Variants in PTPRD observed in about 807,000 individuals in gnomAD.
PTPRD encodes protein tyrosine phosphatase receptor type D.
Under a neutral mutation model 214.5 loss-of-function variants are expected in PTPRD, and 34 were observed. The ratio of observed to expected loss-of-function variants is 0.16; its 90% CI spans 0.12 to 0.21. PTPRD has a LOEUF of 0.21. PTPRD is among the 10% of genes least tolerant of loss of function. The probability of loss-of-function intolerance (pLI) is 1.00; values close to 1 mark genes in which losing one functional copy is unlikely to be tolerated. For missense variants in PTPRD, 2,545 were observed against 2,398.7 expected (o/e 1.06, Z -1.27); for synonymous variants, 1,128 against 845.7 (o/e 1.33, Z -5.79).
chr9:8,390,043 T>G (rs1025436756), intron 36 of PTPRD, among the ~76,000 whole-genome samples: 1 of 152,172 alleles, frequency 6.6e-6, no homozygotes. Flanking sequence ...CTGTAAAGTA[T>G]TGCTTCTCAT....
At chr9:9,201,935 G>A (rs1028025018) in intron 9 of PTPRD, among the ~76,000 whole-genome samples, 2 of 152,166 alleles carry the variant, frequency 1.3e-5, no homozygotes, top group Non-Finnish European at 2.9e-5. Flanking sequence ...GAAACATTTA[G>A]GAAATGAAAC....
chr9:10,239,973 C>A (rs1195820834), intron 3 of PTPRD, among the ~76,000 whole-genome samples: 1 of 151,796 alleles, frequency 6.6e-6, no homozygotes, highest in Non-Finnish European at 1.5e-5. Context: ...CACGATTGGC[C>A]ATTAAGAGAT....
chr9:9,361,664 C>A (rs189835828), intron 9 of PTPRD, among the ~76,000 whole-genome samples: 219 of 151,038 alleles, frequency 1.4e-3, no homozygotes, highest in African/African-American at 5.1e-3. Flanking sequence ...GAATTATTCT[C>A]CTCTAGCTAT....
chr9:9,880,243 A>G (rs2153735459), intron 5 of PTPRD, among the ~76,000 whole-genome samples: 1 of 152,214 alleles, frequency 6.6e-6, no homozygotes, highest in East Asian at 1.9e-4. Flanking sequence ...AAGTTTCCTG[A>G]GGCCTCCTCA....
At chr9:8,605,085 CTG>C (rs554730468) in intron 14 of PTPRD, among the ~76,000 whole-genome samples, 180 of 152,316 alleles carry the variant, frequency 1.2e-3, no homozygotes, top group African/African-American at 4.2e-3. Context: ...GCCTATCAAA[CTG>C]TGCAACTGCC....
intron 3 of PTPRD, among the ~76,000 whole-genome samples, chr9:10,108,801 G>A (rs1001498608): frequency 6.6e-6 from 1 of 151,688 alleles, no homozygotes; most frequent in Non-Finnish European, 1.5e-5. Flanking sequence ...AGGAAAGCCT[G>A]TCCTGTATAA....
At chr9:10,492,614 C>T (rs1477806732) in intron 2 of PTPRD, among the ~76,000 whole-genome samples, 2 of 151,972 alleles carry the variant, frequency 1.3e-5, no homozygotes, top group African/African-American at 2.4e-5. Context: ...TGGATATTAG[C>T]CCTTTGTCAG....
At chr9:9,903,868 A>G (rs1235485356) in intron 5 of PTPRD, among the ~76,000 whole-genome samples, 1 of 152,184 alleles carries the variant, frequency 6.6e-6, no homozygotes, top group African/African-American at 2.4e-5. Context: ...CTTCTAAGTT[A>G]CATTTGACCA....
rs868161419 is a variant in PTPRD, at chr9:9,676,472, C to A, written c.-287+58061G>T. Reference sequence around the variant, plus strand: ...GACATGAACTCATCATTTTTTATGGCTGCATAGTATTCCATGGTGTATATG... The same window carrying A: ...GACATGAACTCATCATTTTTTATGGATGCATAGTATTCCATGGTGTATATG... On this transcript the variant is annotated intron_variant, in intron 7 of 45. Transcript: ENST00000381196. 2.8e-4 allele frequency among the ~76,000 whole-genome samples: 42 copies of A among 152,094 alleles called. 2 individuals are homozygous for A. The highest frequency in any genetic ancestry group is 2.6e-3 in the Admixed American group (39 of 15,274).
At chr9:10,395,343 C>G (rs2098147540) in intron 2 of PTPRD, among the ~76,000 whole-genome samples, 1 of 148,736 alleles carries the variant, frequency 6.7e-6, no homozygotes, top group South Asian at 2.2e-4. Flanking sequence ...TGAGTGAGAA[C>G]ATGCGGTGTT....
intron 43 of PTPRD, among the ~76,000 whole-genome samples, chr9:8,333,549 A>G (rs971404626): frequency 6.6e-6 from 1 of 152,206 alleles, no homozygotes; most frequent in African/African-American, 2.4e-5. Flanking sequence ...GAGCTCCTGA[A>G]GGAAGCACTA....
intron 9 of PTPRD, among the ~76,000 whole-genome samples, chr9:9,367,240 G>C (rs567294679): frequency 6.6e-6 from 1 of 151,424 alleles, no homozygotes; most frequent in Non-Finnish European, 1.5e-5. Flanking sequence ...AGATTACAGT[G>C]GGGGAGGTGG....
intron 3 of PTPRD, among the ~76,000 whole-genome samples, chr9:10,207,596 A>T (rs1428044130): frequency 6.6e-6 from 1 of 152,004 alleles, no homozygotes; most frequent in African/African-American, 2.4e-5. Flanking sequence ...TATTAGCCCC[A>T]TTAAAACACT....
intron 2 of PTPRD, among the ~76,000 whole-genome samples, chr9:10,466,565 G>T (rs1246062576): frequency 6.9e-6 from 1 of 144,780 alleles, no homozygotes; most frequent in Non-Finnish European, 1.5e-5. Flanking sequence ...AGAGGTTGCG[G>T]TGAGCCAAGA....
chr9:8,542,466 A>G (rs1214303327), intron 14 of PTPRD, among the ~76,000 whole-genome samples: 1 of 152,204 alleles, frequency 6.6e-6, no homozygotes, highest in Non-Finnish European at 1.5e-5. Flanking sequence ...AAGGGTTGGT[A>G]ATATTTTGAA....
At chr9:10,305,864 C>T (rs183912717) in intron 3 of PTPRD, among the ~76,000 whole-genome samples, 1 of 152,152 alleles carries the variant, frequency 6.6e-6, no homozygotes, top group Non-Finnish European at 1.5e-5. Flanking sequence ...GAGAGTGTGG[C>T]GATTCCTCAA....
At chr9:9,300,737 C>A (rs1025397490) in intron 9 of PTPRD, among the ~76,000 whole-genome samples, 1 of 151,820 alleles carries the variant, frequency 6.6e-6, no homozygotes, top group Non-Finnish European at 1.5e-5. Flanking sequence ...GTGCCCTGAT[C>A]TCAGACTTTC....
intron 14 of PTPRD, among the ~76,000 whole-genome samples, chr9:8,609,160 G>A (rs1249437120): frequency 2.0e-5 from 3 of 152,142 alleles, no homozygotes; most frequent in Non-Finnish European, 4.4e-5. Flanking sequence ...AATAATCCTT[G>A]TTTTCCTTCA....
Position 9,134,058 on chromosome 9 carries a change from C to CTTTTTTT in PTPRD, c.-143+49239_-143+49245dup, listed in dbSNP as rs928663989. On this transcript the variant is annotated intron_variant, in intron 10 of 45. Transcript: ENST00000381196. Reference sequence around the variant, plus strand: ...TTCCAATAGTTCATATAGAATCATTCTTTTTTTTTTTTTTTTTTTTTTTTT... The same window carrying CTTTTTTT: ...TTCCAATAGTTCATATAGAATCATTCTTTTTTTTTTTTTTTTTTTTTTTTTTTTTTTT... Among the ~76,000 whole-genome samples the CTTTTTTT allele has an allele frequency of 2.3e-3, 172 of 75,448 alleles. 6 individuals are homozygous for CTTTTTTT. Among genetic ancestry groups the CTTTTTTT allele is most frequent in the Non-Finnish European group, 3.2e-3 (139 of 43,198 alleles). 49.5% of individuals were successfully genotyped at this position (75,448 alleles called of 152,430 possible).
Sources: gnomAD v4.1 joint callset for allele counts (sites outside exome capture counted in the v4.1 genomes callset) on GRCh38, gnomAD v4.1.1 for gene constraint, MANE v1.5 for transcripts, NCBI Gene and HGNC (gene_info 2026-07-23, HGNC 2026-07-21) for gene names.